BEND2: variants seen among roughly 807,000 people sequenced by gnomAD.
BEND2 encodes BEN domain containing 2.
A neutral mutation model predicts 43.8 loss-of-function variants in BEND2; 19 were observed. That is an observed-to-expected ratio of 0.43 (90% CI 0.30 to 0.64). BEND2 has a LOEUF of 0.64. Ranked by LOEUF, BEND2 falls within the 30% of genes least tolerant of loss-of-function variation. The pLI is 0.11. For missense variants in BEND2, 544 were observed against 574.0 expected (o/e 0.95, Z 0.53); for synonymous variants, 226 against 210.1 (o/e 1.08, Z -0.66).
chrX:18,208,060 TA>T (rs1925395105), intron 4 of BEND2, among the ~76,000 whole-genome samples: 1 of 110,955 alleles, frequency 9.0e-6, no homozygotes, highest in South Asian at 3.8e-4. Context: ...TAAATGTGAT[TA>T]AAAATTTTTT....
At chrX:18,191,482 T>C (rs1363328519) in intron 7 of BEND2, among the ~76,000 whole-genome samples, 2 of 111,868 alleles carry the variant, frequency 1.8e-5, no homozygotes, top group Non-Finnish European at 3.8e-5. Flanking sequence ...AAACTAAACA[T>C]ACCATTACCA....
chrX:18,200,652 G>T (rs1277534149), intron 6 of BEND2, among the ~76,000 whole-genome samples: 1 of 110,958 alleles, frequency 9.0e-6, no homozygotes, highest in Non-Finnish European at 1.9e-5. Context: ...TAACATTCTT[G>T]AAGTGACAAA....
At position 18,180,771 on chromosome X, in the gene BEND2, C is replaced by T. The variant is rs969344233; in HGVS notation, c.1289-121G>A. 3.2e-5 allele frequency: 16 copies of T among 495,606 alleles called. 1 individual carries two copies. The Middle Eastern group carries it at 1.5e-3, about 46-fold the overall frequency. 40.8% of individuals were successfully genotyped at this position (495,606 alleles called of 1,213,427 possible). A position where few individuals can be genotyped will look rare whatever the true frequency, so the allele number is the denominator to read the frequency against. ...AAAAGATTTGTTGCCAGCAGACCTA[C>T]TCTTTTTTTTTTTCTTTCTTTCTTT... On this transcript the variant is annotated intron_variant, in intron 8 of 13. Coordinates refer to ENST00000380033, the MANE Select transcript of BEND2 (RefSeq NM_153346.5).
intron 9 of BEND2, among the ~76,000 whole-genome samples, chrX:18,178,329 CTCCCACCCCATTAT>C (rs1041914460): frequency 1.4e-4 from 16 of 111,432 alleles, no homozygotes; most frequent in Admixed American, 9.6e-4. Flanking sequence ...TCTATCATTA[CTCCCACCCCATTAT>C]TCCCACCCCA....
At position 18,185,533 on chromosome X, in the gene BEND2, AAATAATAATAATAAT is replaced by A. The variant is rs141832867; in HGVS notation, c.1289-4898_1289-4884del. 7.1e-3 allele frequency among the ~76,000 whole-genome samples: 624 copies of A among 88,094 alleles called. 8 individuals carry two copies. The highest frequency in any genetic ancestry group is 0.022 in the African/African-American group (550 of 24,473). The allele number at this position is 88,094 out of a possible 115,157, so 76.5% of individuals were successfully genotyped here. A position where few individuals can be genotyped will look rare whatever the true frequency, so the allele number is the denominator to read the frequency against. ...GTGACAGAGCGAGACTCAGTCGCAA[AAATAATAATAATAAT>A]AATAATAATAATAATAATAATAATA... On this transcript the variant is annotated intron_variant, in intron 8 of 13. Transcript: ENST00000380033.
In BEND2 at chrX:18,165,057, C is replaced by T. The variant is rs141037742; in HGVS notation, c.2352G>A (p.Glu784=). ...CGGGATCTCCTGGCTTTGACTCCTG[C>T]TCCAGCTCTGGAGGGGTCACTGCTG... is the stretch of plus-strand genomic sequence containing the variant. ...SLPAVTPPEL[E]QESKPGDPDA... The change falls in exon 14 of 14, where the codon GAG becomes GAA. Residue 784 remains glutamate (E), a synonymous_variant. Transcript: ENST00000380033. 1,183 of 1,207,976 alleles carry T rather than the reference C, an allele frequency of 9.8e-4. 13 individuals are homozygous for T. In the African/African-American group the frequency reaches 0.017, roughly 17 times the overall value.
In BEND2 at chrX:18,220,785, A is replaced by G; in HGVS notation, c.-35T>C. The G allele has an allele frequency of 2.5e-6, 3 of 1,193,367 alleles. No homozygotes were observed. The highest frequency in any genetic ancestry group is 3.4e-6 in the Non-Finnish European group (3 of 883,519). On this transcript the variant is annotated 5_prime_UTR_variant, in exon 1 of 14. Transcript: ENST00000380033. Reference sequence around the variant, plus strand: ...GCGGGGTCTGGCTCTGAGGCCCGAGACCTGAGGCCCGAGACCTGAGGCCTA... The same window carrying G: ...GCGGGGTCTGGCTCTGAGGCCCGAGGCCTGAGGCCCGAGACCTGAGGCCTA...
chrX:18,220,357 G>A (rs1925830446), intron 1 of BEND2, among the ~76,000 whole-genome samples: 1 of 112,555 alleles, frequency 8.9e-6, no homozygotes, highest in Non-Finnish European at 1.9e-5. Flanking sequence ...AAGAACCGCG[G>A]GCCAGAGGGC....
chrX:18,203,381 T>C (rs768053180), intron 5 of BEND2, 120 bp downstream of exon 5: 1 of 852,968 alleles, frequency 1.2e-6, no homozygotes, highest in Admixed American at 3.2e-5. Flanking sequence ...CATATGAATC[T>C]ATAATGGCTT....
chrX:18,182,961 G>A (rs769073044), intron 8 of BEND2, among the ~76,000 whole-genome samples: 7 of 99,852 alleles, frequency 7.0e-5, no homozygotes, highest in Non-Finnish European at 9.9e-5. Flanking sequence ...AGAATCACTT[G>A]AACCCAGAAG....
Position 18,192,363 on chromosome X carries a change from C to T in BEND2, c.1181-1255G>A, listed in dbSNP as rs145735949. 3.9e-3 allele frequency among the ~76,000 whole-genome samples: 439 copies of T among 111,174 alleles called. 4 individuals are homozygous for T. Among genetic ancestry groups the T allele is most frequent in the African/African-American group, 0.013 (394 of 30,623 alleles). On this transcript the variant is annotated intron_variant, in intron 7 of 13. Transcript: ENST00000380033. The stretch of plus-strand genomic sequence containing the variant: ...CACTAACTGGCAAACACTTAAAGAA[C>T]GGCTAAAGGAAAATCATCAAACAGA...
In BEND2 at chrX:18,177,065, C is replaced by G. The variant is rs975514648; in HGVS notation, c.1630+504G>C. Among the ~76,000 whole-genome samples the G allele has an allele frequency of 4.5e-5, 5 of 110,561 alleles. No homozygotes were observed. The Admixed American group carries it at 4.8e-4, about 11-fold the overall frequency. The stretch of plus-strand genomic sequence containing the variant: ...TATGAGCTCCTCATAGGCAGAAACA[C>G]TTATTCATTGTGGTATCCTTAGTAT... On this transcript the variant is annotated intron_variant, in intron 10 of 13. Coordinates refer to ENST00000380033, the MANE Select transcript of BEND2 (RefSeq NM_153346.5).
chrX:18,167,048 A>G (rs1486630433), intron 13 of BEND2, among the ~76,000 whole-genome samples: 2 of 110,905 alleles, frequency 1.8e-5, no homozygotes, highest in Non-Finnish European at 3.8e-5. Context: ...TGGGAGGCTG[A>G]AGCGGGTGAA....
rs200432137 is a variant in BEND2 at position 18,165,141 on chromosome X, G to A, written c.2268C>T (p.Ser756=). 423 of 1,207,994 alleles carry A rather than the reference G, an allele frequency of 3.5e-4. 1 individual carries two copies. Among genetic ancestry groups the A allele is most frequent in the South Asian group, 9.0e-4 (51 of 56,700 alleles). Residue 756 remains serine, a synonymous_variant, in exon 14 of 14, where the codon AGC becomes AGT. Transcript: ENST00000380033. ...CGTCATGTCTAAGGCTACGGATACC[G>A]CTGTTGATGGAGGTCACACACGACT... ...DWKSCVTSIN[S]GIRSLRHDVR...
Position 18,164,989 on chromosome X carries a change from A to T in BEND2, c.*20T>A, listed in dbSNP as rs781649005. On this transcript the variant is annotated 3_prime_UTR_variant, in exon 14 of 14. Transcript: ENST00000380033. ...TAGTCTTAACAGTTAAAAAAAAAAA[A>T]AAAGTTTGGCAGCTGCCGTTCAGGT... 5.1e-6 allele frequency: 6 copies of T among 1,176,977 alleles called. No individual in the cohort carries two copies. Among genetic ancestry groups the T allele is most frequent in the Non-Finnish European group, 6.8e-6 (6 of 884,718 alleles).
chrX:18,186,639 C>A (rs1924582559), intron 8 of BEND2, among the ~76,000 whole-genome samples: 1 of 109,832 alleles, frequency 9.1e-6, no homozygotes, highest in African/African-American at 3.3e-5. Flanking sequence ...ACAGTATTTG[C>A]AAACCTCATG....
intron 1 of BEND2, among the ~76,000 whole-genome samples, chrX:18,217,896 C>A (rs1347312016): frequency 9.3e-6 from 1 of 107,572 alleles, no homozygotes; most frequent in Admixed American, 1.0e-4. Flanking sequence ...ACCTGGGCAA[C>A]ATGGCGAAAT....
intron 1 of BEND2, among the ~76,000 whole-genome samples, chrX:18,218,175 G>A (rs923039057): frequency 2.1e-4 from 23 of 110,853 alleles, no homozygotes; most frequent in African/African-American, 7.2e-4. Flanking sequence ...TACTAGATAT[G>A]CTTGTGAAAT....
chrX:18,207,090 T>C (rs1415960509), intron 4 of BEND2, among the ~76,000 whole-genome samples: 5 of 108,011 alleles, frequency 4.6e-5, no homozygotes, highest in African/African-American at 1.7e-4. Flanking sequence ...CAGGGGGAGG[T>C]AGGCTAGGGA....
Sources: gnomAD v4.1 joint callset for allele counts (sites outside exome capture counted in the v4.1 genomes callset) on GRCh38, gnomAD v4.1.1 for gene constraint, MANE v1.5 for transcripts, NCBI Gene and HGNC (gene_info 2026-07-23, HGNC 2026-07-21) for gene names.